AVEN: variants seen among roughly 807,000 people sequenced by gnomAD.
AVEN encodes cell death regulator Aven.
A neutral mutation model predicts 38.1 loss-of-function variants in AVEN; 41 were observed. That is an observed-to-expected ratio of 1.08 (90% CI 0.84 to 1.40). The LOEUF (loss-of-function observed/expected upper bound fraction) is 1.40, where lower values mean the gene tolerates loss of function less well. Among genes scored for constraint, AVEN ranks in the 40% most tolerant of loss-of-function variants. The probability of loss-of-function intolerance (pLI) is 0.00; values close to 1 mark genes in which losing one functional copy is unlikely to be tolerated. For missense variants in AVEN, 605 were observed against 438.8 expected, an observed-to-expected ratio of 1.38 and a Z score of -3.38; for synonymous variants, 206 against 171.8, an observed-to-expected ratio of 1.20 and a Z score of -1.56.
At chr15:33,917,502 C>T (rs1259185516) in intron 2 of AVEN, among the ~76,000 whole-genome samples, 1 of 147,966 alleles carries the variant, frequency 6.8e-6, no homozygotes, top group African/African-American at 2.5e-5. Context: ...TATATACACA[C>T]GGAATAATTC....
chr15:34,063,586 CAA>C lies in AVEN; in HGVS notation n.1127-156_1127-155del. The stretch of plus-strand genomic sequence containing the variant: ...GGGAAGCCATCCCAAGCCACTGGCC[CAA>C]GCGCCAATTGGGCCAAAGCTGAGCA... On this transcript the variant is annotated intron_variant and non_coding_transcript_variant, in intron 4 of 11. Coordinates refer to the AVEN transcript ENST00000675287. This position sits in a 1 kb window ranked among gnomAD's most constrained non-coding sequence, Gnocchi z 4.1. The C allele has an allele frequency of 1.2e-6, 2 of 1,613,846 alleles. No homozygotes were observed. The highest frequency in any genetic ancestry group is 1.7e-6 in the Non-Finnish European group (2 of 1,180,024).
Position 33,918,528 on chromosome 15 carries a change from G to A in AVEN, c.446-42533C>T, listed in dbSNP as rs149697753. On this transcript the variant is annotated intron_variant, in intron 2 of 5. Transcript: ENST00000306730. ...GTCACCCAGATTGAAGTGCAGTGGC[G>A]TGATCTCAGCTCACTGCATGCAGTC... 3.6e-3 allele frequency among the ~76,000 whole-genome samples: 492 copies of A among 135,998 alleles called. 3 individuals are homozygous for A. The highest frequency in any genetic ancestry group is 0.018 in the Middle Eastern group (4 of 224). 89.2% of individuals were successfully genotyped at this position (135,998 alleles called of 152,430 possible).
chr15:33,876,502 G>A (rs1436549758), intron 2 of AVEN, among the ~76,000 whole-genome samples: 2 of 152,052 alleles, frequency 1.3e-5, no homozygotes, highest in Non-Finnish European at 2.9e-5. Flanking sequence ...AACCCGGGAG[G>A]CGGAGGTTGC....
chr15:33,999,543 CCTT>C (rs1291009519), intron 2 of AVEN, among the ~76,000 whole-genome samples: 5 of 152,166 alleles, frequency 3.3e-5, no homozygotes, highest in Non-Finnish European at 7.3e-5. Flanking sequence ...AGGGCAACTC[CCTT>C]CTTCTCACTG....
At chr15:33,851,975 ATGTTTAAGACAAAGAAAC>A in the AVEN span, 1 of 151,992 alleles carries the variant, frequency 6.6e-6, no homozygotes, top group African/African-American at 2.4e-5. Context: ...TGGCATTTAA[ATGTTTAAGACAAAGAAAC>A]TGCTTTAACA....
chr15:33,857,942 CCCACCCACTGCGGGG>C (rs949822154), downstream of AVEN: 1 of 1,609,776 alleles, frequency 6.2e-7, no homozygotes, highest in African/African-American at 1.3e-5. Context: ...GCGGGGCCAG[CCCACCCACTGCGGGG>C]CCACCCCGCC....
chr15:33,963,983 C>G (rs1895295420), intron 2 of AVEN, among the ~76,000 whole-genome samples: 1 of 151,748 alleles, frequency 6.6e-6, no homozygotes, highest in African/African-American at 2.4e-5. Context: ...ATCTAAAAGA[C>G]TCCAGTCATT....
intron 1 of AVEN, among the ~76,000 whole-genome samples, 154 bp from the exon 2 acceptor site, chr15:34,003,363 T>C (rs982336563): frequency 3.3e-5 from 5 of 152,240 alleles, no homozygotes; most frequent in Non-Finnish European, 7.3e-5. Flanking sequence ...AGAATCACAC[T>C]ATACCAGAGT....
intron 2 of AVEN, among the ~76,000 whole-genome samples, chr15:33,930,606 C>T (rs1306361955): frequency 6.6e-6 from 1 of 152,074 alleles, no homozygotes; most frequent in African/African-American, 2.4e-5. Context: ...AGTCTGTATC[C>T]AAAATTAAGA....
At chr15:33,969,287 CTTG>C (rs1895525218) in intron 2 of AVEN, 1 of 151,950 alleles carries the variant, frequency 6.6e-6, no homozygotes, top group Admixed American at 6.6e-5. Context: ...GAGGTAAACG[CTTG>C]TTTTTACTTA....
At chr15:33,992,440 C>A (rs988599145) in intron 2 of AVEN, among the ~76,000 whole-genome samples, 4 of 152,084 alleles carry the variant, frequency 2.6e-5, no homozygotes, top group African/African-American at 7.2e-5. Context: ...CAATATTCAG[C>A]TACAAGGAAA....
At chr15:33,948,997 ACAATT>A (rs887301411) in intron 2 of AVEN, among the ~76,000 whole-genome samples, 9 of 151,272 alleles carry the variant, frequency 5.9e-5, no homozygotes, top group African/African-American at 1.2e-4. Flanking sequence ...TTTAAATATG[ACAATT>A]CAATTCAACT....
intron 1 of AVEN, among the ~76,000 whole-genome samples, chr15:34,017,497 T>TTTTTG (rs1555516619): frequency 3.5e-4 from 47 of 133,382 alleles, no homozygotes; most frequent in Non-Finnish European, 6.1e-4. Flanking sequence ...TTTTTTTTTT[T>TTTTTG]TTTGAGACAG....
intron 2 of AVEN, among the ~76,000 whole-genome samples, chr15:33,979,620 T>C (rs954810855): frequency 2.0e-5 from 3 of 152,208 alleles, no homozygotes; most frequent in African/African-American, 7.2e-5. Flanking sequence ...GTTTCCTCCT[T>C]TAAAAAATGA....
intron 1 of AVEN, among the ~76,000 whole-genome samples, chr15:34,033,055 A>G (rs542520550): frequency 6.6e-6 from 1 of 152,314 alleles, no homozygotes; most frequent in South Asian, 2.1e-4. Flanking sequence ...TTATGTGAAC[A>G]ATGTTTCTCA....
chr15:34,037,535 T>C (rs1453644807), intron 1 of AVEN, among the ~76,000 whole-genome samples: 1 of 149,126 alleles, frequency 6.7e-6, no homozygotes, highest in Non-Finnish European at 1.5e-5. Context: ...ATTACATAAT[T>C]CTACATTACA....
downstream of AVEN, chr15:33,866,075 C>A: frequency 6.4e-6 from 1 of 156,078 alleles, no homozygotes; most frequent in Admixed American, 6.2e-5. Context: ...ATGAAGTGCC[C>A]ACTGCAATAA....
At position 33,867,587 on chromosome 15, in the gene AVEN, G is replaced by T. The variant is rs370102228; in HGVS notation, c.881C>A (p.Ala294Glu). Reference sequence around the variant, plus strand: ...GATGTTATCTCCCTCTTTTATAGGTGCATCTAAATTAAGCAACAGATCTAG... The same window carrying T: ...GATGTTATCTCCCTCTTTTATAGGTTCATCTAAATTAAGCAACAGATCTAG... Reference protein sequence around the residue: ...EELDLLLNLDAPIKEGDNILP... With the variant: ...EELDLLLNLDEPIKEGDNILP... The change falls in exon 5 of 6, where the codon GCA becomes GAA. Residue 294 changes from alanine (A) to glutamate (E), a missense_variant. Ala to Glu is a moderately radical substitution (Grantham distance 107). Coordinates refer to ENST00000306730, the MANE Select transcript of AVEN (RefSeq NM_020371.3). 1 of 1,614,228 alleles carries T rather than the reference G, an allele frequency of 6.2e-7. No individual in the cohort carries two copies. Among genetic ancestry groups the T allele is most frequent in the Non-Finnish European group, 8.5e-7 (1 of 1,180,042 alleles).
At chr15:34,053,319 A>AAAAAATATATATATATATAT (rs775436850) in intron 5 of AVEN, among the ~76,000 whole-genome samples, 5 of 42,094 alleles carry the variant, frequency 1.2e-4, no homozygotes, top group African/African-American at 4.0e-4. Flanking sequence ...AAAAAAAAAA[A>AAAAAATATATATATATATAT]ATATATATAT....
Sources: allele counts gnomAD v4.1 joint callset (sites outside exome capture counted in the v4.1 genomes callset), GRCh38; gene constraint gnomAD v4.1.1; non-coding constraint Gnocchi (gnomAD v3.1); transcripts MANE v1.5; gene names NCBI Gene and HGNC (gene_info 2026-07-23, HGNC 2026-07-21).